Variants in NXF1 observed in about 807,000 individuals in gnomAD.
The protein encoded by NXF1 is nuclear RNA export factor 1.
A neutral mutation model predicts 92.4 loss-of-function variants in NXF1; 43 were observed. That is an observed-to-expected ratio of 0.47 (90% CI 0.36 to 0.60). NXF1 has a LOEUF of 0.60. Ranked by LOEUF, NXF1 falls within the 20% of genes least tolerant of loss-of-function variation. NXF1 has a pLI of 0.00. For missense variants in NXF1, 576 were observed against 793.0 expected (o/e 0.73, Z 3.29); for synonymous variants, 288 against 292.2 (o/e 0.99, Z 0.15).
At chr11:62,800,792 T>C (rs182975997) in intron 9 of NXF1, among the ~76,000 whole-genome samples, 1 of 151,954 alleles carries the variant, frequency 6.6e-6, no homozygotes, top group Non-Finnish European at 1.5e-5. Context: ...ATTAAAAAAA[T>C]TTTTTTGAGA....
intron 13 of NXF1, 104 bp from the exon 14 acceptor site, chr11:62,796,671 C>A: frequency 1.3e-6 from 1 of 744,786 alleles, no homozygotes; most frequent in Non-Finnish European, 2.3e-6. Context: ...GAAGCTCATG[C>A]CTGTAATCCC....
chr11:62,803,180 G>A (rs1430027314), intron 3 of NXF1, among the ~76,000 whole-genome samples: 3 of 152,094 alleles, frequency 2.0e-5, no homozygotes, highest in Non-Finnish European at 4.4e-5. Flanking sequence ...TTAGCCGGGC[G>A]TGGTGGTGGG....
chr11:62,805,220 G>A, intron 1 of NXF1, 109 bp downstream of exon 1: 1 of 1,072,474 alleles, frequency 9.3e-7, no homozygotes, highest in South Asian at 3.0e-5. Flanking sequence ...GCCGCTCCCC[G>A]CGGACGCCGG....
intron 9 of NXF1, 115 bp from the exon 10 acceptor site, chr11:62,800,601 T>C: frequency 1.5e-6 from 1 of 667,634 alleles, no homozygotes; most frequent in Non-Finnish European, 2.5e-6. Flanking sequence ...TTTTAAAATT[T>C]TTTCTTTTTT....
At position 62,796,285 on chromosome 11, in the gene NXF1, ACTAGGGT is replaced by A; in HGVS notation, c.1340_1345+1del. The A allele has an allele frequency of 6.2e-7, 1 of 1,614,068 alleles. No homozygotes were observed. The highest frequency in any genetic ancestry group is 8.5e-7 in the Non-Finnish European group (1 of 1,180,000). On this transcript the variant is annotated splice_donor_variant and coding_sequence_variant, in exon 15 of 21. Transcript: ENST00000294172. LOFTEE classifies it high-confidence loss of function. ...CATATTTTGTTCGTATCACACACTTACTAGGGTCTTTAAGCTTCTTCACATTTCTGCT... is the reference window on the plus strand; with the variant it reads ...CATATTTTGTTCGTATCACACACTTACTTTAAGCTTCTTCACATTTCTGCT...
intron 13 of NXF1, 23 bp downstream of exon 13, chr11:62,797,160 A>AG: frequency 2.5e-6 from 4 of 1,610,438 alleles, no homozygotes; most frequent in South Asian, 2.2e-5. Flanking sequence ...CGGGGTGGGG[A>AG]GGGGGGACCC....
chr11:62,795,080 G>T, intron 17 of NXF1, 73 bp from the exon 18 acceptor site: 2 of 1,376,528 alleles, frequency 1.5e-6, no homozygotes, highest in Non-Finnish European at 2.1e-6. Flanking sequence ...TTGAATCATG[G>T]TCTTTGATAT....
At chr11:62,797,880 CA>C (rs1286388102) in intron 11 of NXF1, among the ~76,000 whole-genome samples, 2 of 152,060 alleles carry the variant, frequency 1.3e-5, no homozygotes, top group Non-Finnish European at 2.9e-5. Flanking sequence ...GTAATCCCAG[CA>C]CACTGGGAGG....
intron 3 of NXF1, 119 bp downstream of exon 3, chr11:62,803,300 A>G (rs1268389758): frequency 1.2e-6 from 1 of 837,558 alleles, no homozygotes; most frequent in African/African-American, 1.7e-5. Flanking sequence ...TGGGTGACAG[A>G]GCAAGACTCC....
chr11:62,792,276 T>C lies in NXF1; in HGVS notation c.*200A>G, dbSNP rs2084372261. 4 of 738,546 alleles carry C rather than the reference T, an allele frequency of 5.4e-6. No homozygotes were observed. The highest frequency in any genetic ancestry group is 1.7e-5 in the African/African-American group (1 of 57,306). 45.7% of individuals were successfully genotyped at this position (738,546 alleles called of 1,614,324 possible). On this transcript the variant is annotated 3_prime_UTR_variant, in exon 21 of 21. Coordinates refer to ENST00000294172, the MANE Select transcript of NXF1 (RefSeq NM_006362.5). ...AGTGTCAGTTCTACAAAGTAAGCTT[T>C]GGCTTCCTGGCACCAGTGAGGCTCA...
chr11:62,796,253 C>T, intron 15 of NXF1, 34 bp downstream of exon 15: 1 of 1,613,706 alleles, frequency 6.2e-7, no homozygotes, highest in Non-Finnish European at 8.5e-7. Flanking sequence ...TTCCCATGCC[C>T]TTTTCCCATA....
intron 1 of NXF1, 53 bp downstream of exon 1, chr11:62,805,276 C>T: frequency 1.3e-6 from 2 of 1,571,528 alleles, no homozygotes. Context: ...TAGGCCGGCG[C>T]CGCCCACCCG....
chr11:62,804,709 G>A (rs928956492), intron 1 of NXF1, among the ~76,000 whole-genome samples: 1 of 152,144 alleles, frequency 6.6e-6, no homozygotes, highest in African/African-American at 2.4e-5. Context: ...CTCCAGTGCC[G>A]GCCACTATGC....
chr11:62,798,690 T>G, intron 10 of NXF1, 115 bp from the exon 11 acceptor site: 1 of 1,542,466 alleles, frequency 6.5e-7, no homozygotes, highest in Admixed American at 2.1e-5. Flanking sequence ...TGCTCATCCC[T>G]CCACTCCCTC....
At chr11:62,795,063 C>A in intron 17 of NXF1, 56 bp from the exon 18 acceptor site, 2 of 1,483,522 alleles carry the variant, frequency 1.3e-6, no homozygotes, top group Non-Finnish European at 1.9e-6. Flanking sequence ...TGTTTACAAA[C>A]AGCTTCTTGA....
intron 10 of NXF1, chr11:62,799,670 G>A: frequency 1.0e-6 from 1 of 985,952 alleles, no homozygotes; most frequent in Non-Finnish European, 1.2e-6. Context: ...TGTCTCCTTG[G>A]TAGCCTATGC....
At position 62,794,408 on chromosome 11, in the gene NXF1, C is replaced by T; in HGVS notation, c.1610G>A (p.Arg537Gln). ...LCIVNDELFV[R>Q]NASSEEIQRA... ...TTGGATCTCTTCAGAACTGGCATTC[C>T]GCACAAATAGCTCATCATTTACAAT... The change falls in exon 19 of 21, where the codon CGG (arginine) becomes CAG (glutamine). Residue 537 changes from arginine to glutamine, a missense_variant. By Grantham distance (43) the Arg-to-Gln change is conservative. This residue lies in a region of NXF1 where 425 missense variants were observed against 635.2 expected (regional missense o/e 0.67). Coordinates refer to ENST00000294172, the MANE Select transcript of NXF1 (RefSeq NM_006362.5). 3.1e-6 allele frequency: 5 copies of T among 1,613,880 alleles called. No individual in the cohort carries two copies. The highest frequency in any genetic ancestry group is 1.3e-5 in the African/African-American group (1 of 75,016).
chr11:62,805,318 C>G lies in NXF1; in HGVS notation c.28+11G>C. ...AGATAGCCAGTTCCCGACCCGAAGA[C>G]CAGCACTTACCGCTGTACGACTTCC... On this transcript the variant is annotated intron_variant, in intron 1 of 20. Coordinates refer to ENST00000294172, the MANE Select transcript of NXF1 (RefSeq NM_006362.5). 1 of 1,607,770 alleles carries G rather than the reference C, an allele frequency of 6.2e-7. No individual in the cohort carries two copies. The highest frequency in any genetic ancestry group is 8.5e-7 in the Non-Finnish European group (1 of 1,177,488).
chr11:62,799,359 A>G (rs2084454987), intron 10 of NXF1: 3 of 985,636 alleles, frequency 3.0e-6, no homozygotes, highest in South Asian at 4.7e-5. Context: ...TCTGTCTGCT[A>G]CCTGGGTCCC....
Sources: allele counts gnomAD v4.1 joint callset (sites outside exome capture counted in the v4.1 genomes callset), GRCh38; gene constraint gnomAD v4.1.1; regional missense constraint gnomAD v4.1.1; transcripts MANE v1.5; gene names NCBI Gene and HGNC (gene_info 2026-07-23, HGNC 2026-07-21).